Variants in DNAJB14 observed in about 807,000 individuals in gnomAD.
DNAJB14 encodes dnaJ homolog subfamily B member 14.
Under a neutral mutation model 48.4 loss-of-function variants are expected in DNAJB14, and 22 were observed. That is an observed-to-expected ratio of 0.45 (90% confidence interval 0.32 to 0.65). The LOEUF (loss-of-function observed/expected upper bound fraction) is 0.65. Ranked by LOEUF, DNAJB14 falls within the 30% of genes least tolerant of loss-of-function variation. The probability of loss-of-function intolerance (pLI) is 0.03; values close to 1 mark genes in which losing one functional copy is unlikely to be tolerated. For synonymous variants in DNAJB14, 142 were observed against 158.7 expected (o/e 0.89, Z 0.79); for missense variants, 319 against 458.8 (o/e 0.70, Z 2.78).
At chr4:99,903,412 T>C (rs534850724) in intron 7 of DNAJB14, among the ~76,000 whole-genome samples, 34 of 152,166 alleles carry the variant, frequency 2.2e-4, no homozygotes, top group African/African-American at 7.7e-4. Flanking sequence ...TGCCAGGATA[T>C]TTTTTGTTTC....
intron 2 of DNAJB14, chr4:99,928,488 C>T (rs1249028173): frequency 4.9e-6 from 2 of 405,036 alleles, no homozygotes; most frequent in Non-Finnish European, 1.0e-5. Context: ...ACACACACAA[C>T]CACCCACATA....
intron 3 of DNAJB14, among the ~76,000 whole-genome samples, chr4:99,916,242 G>T (rs1323924578): frequency 2.0e-5 from 3 of 152,148 alleles, no homozygotes; most frequent in Non-Finnish European, 4.4e-5. Flanking sequence ...AGGCTCAAGT[G>T]ATTCTCCCAC....
At chr4:99,906,657 CA>C in intron 4 of DNAJB14, 46 bp from the exon 5 acceptor site, 1 of 1,434,736 alleles carries the variant, frequency 7.0e-7, no homozygotes, top group Non-Finnish European at 9.6e-7. Flanking sequence ...CAATTATGAT[CA>C]GAAAAAATAC....
chr4:99,938,095 T>TAAAAAAAAAAAAAAAAAAAAAAAAA, intron 1 of DNAJB14, among the ~76,000 whole-genome samples: 1 of 4,072 alleles, frequency 2.5e-4, no homozygotes, highest in Non-Finnish European at 5.0e-4. Context: ...ATGTTAAAAA[T>TAAAAAAAAAAAAAAAAAAAAAAAAA]ACAAAAAAAA....
In DNAJB14 at chr4:99,905,985, C is replaced by G. The variant is rs956232332; in HGVS notation, c.733-279G>C. 40 of 1,291,106 alleles carry G rather than the reference C, an allele frequency of 3.1e-5. 1 individual carries two copies. The highest frequency in any genetic ancestry group is 1.4e-4 in the South Asian group (9 of 65,530). 80.0% of individuals were successfully genotyped at this position (1,291,106 alleles called of 1,614,324 possible). On this transcript the variant is annotated intron_variant, in intron 5 of 7. Coordinates refer to ENST00000442697, the MANE Select transcript of DNAJB14 (RefSeq NM_001031723.4). ...CTTTCTCTTTCCCGACTCCCTCCCC[C>G]CCACACACAGAGACGCTATCAATAT...
chr4:99,923,296 T>C, intron 2 of DNAJB14, 111 bp from the exon 3 acceptor site: 1 of 1,019,212 alleles, frequency 9.8e-7, no homozygotes, highest in Non-Finnish European at 1.4e-6. Flanking sequence ...GGACTCTTTC[T>C]CAAAATCTAA....
rs1725205209 is a variant in DNAJB14 at position 99,898,784 on chromosome 4, T to C, written c.*2244A>G. On this transcript the variant is annotated 3_prime_UTR_variant, in exon 8 of 8. Coordinates refer to ENST00000442697, the MANE Select transcript of DNAJB14 (RefSeq NM_001031723.4). ...AGATGGCAAAATGTTGGGATTTTTA[T>C]TATAAAAAAAGCAGCAAACATGAAA... 1 of 151,914 alleles carries C rather than the reference T, an allele frequency of 6.6e-6. No individual in the cohort carries two copies. The highest frequency in any genetic ancestry group is 1.5e-5 in the Non-Finnish European group (1 of 67,804). 9.4% of individuals were successfully genotyped at this position (151,914 alleles called of 1,614,324 possible).
intron 3 of DNAJB14, among the ~76,000 whole-genome samples, chr4:99,922,081 G>A (rs1193369199): frequency 2.0e-5 from 3 of 152,138 alleles, no homozygotes; most frequent in Non-Finnish European, 2.9e-5. Context: ...GACAGCTCTC[G>A]CTGTCACAGT....
chr4:99,938,089 T>TA (rs1560748570), intron 1 of DNAJB14, among the ~76,000 whole-genome samples: 1 of 23,892 alleles, frequency 4.2e-5, no homozygotes, highest in Non-Finnish European at 8.2e-5. Context: ...GAAACCATGT[T>TA]AAAAATACAA....
Position 99,914,976 on chromosome 4 carries a change from T to C in DNAJB14, c.452-6080A>G, listed in dbSNP as rs555370028. ...GAGAACCAGCTCTGTTTCATTGATATTCACTATTGTTACTCTTTTCAATTG... is the reference window on the plus strand; with the variant it reads ...GAGAACCAGCTCTGTTTCATTGATACTCACTATTGTTACTCTTTTCAATTG... On this transcript the variant is annotated intron_variant, in intron 3 of 7. Coordinates refer to ENST00000442697, the MANE Select transcript of DNAJB14 (RefSeq NM_001031723.4). 1.5e-4 allele frequency among the ~76,000 whole-genome samples: 23 copies of C among 152,338 alleles called. No homozygotes were observed. The South Asian group carries it at 4.8e-3, about 32-fold the overall frequency.
Position 99,946,428 on chromosome 4 carries a change from T to C in DNAJB14, c.133+11A>G. 1 of 1,607,638 alleles carries C rather than the reference T, an allele frequency of 6.2e-7. No homozygotes were observed. Among genetic ancestry groups the C allele is most frequent in the Non-Finnish European group, 8.5e-7 (1 of 1,177,192 alleles). The stretch of plus-strand genomic sequence containing the variant: ...GATTGGGCAGGAAGAGAAGGGACGC[T>C]GAGGTCTCACCGCGGGCCGAGGGCA... On this transcript the variant is annotated intron_variant, in intron 1 of 7. Transcript: ENST00000442697.
intron 3 of DNAJB14, among the ~76,000 whole-genome samples, chr4:99,915,313 A>G (rs1294194574): frequency 6.6e-6 from 1 of 151,920 alleles, no homozygotes; most frequent in Non-Finnish European, 1.5e-5. Flanking sequence ...ACTTTTTTGT[A>G]TTTTTAGTAG....
At chr4:99,930,360 A>T (rs1726418638) in intron 2 of DNAJB14, 90 bp downstream of exon 2, 2 of 1,313,474 alleles carry the variant, frequency 1.5e-6, no homozygotes, top group Non-Finnish European at 2.1e-6. Flanking sequence ...TATTCTTCTA[A>T]TGTTATATTT....
At chr4:99,906,410 G>A in intron 5 of DNAJB14, 107 bp downstream of exon 5, 2 of 1,149,254 alleles carry the variant, frequency 1.7e-6, no homozygotes, top group South Asian at 2.8e-5. Context: ...CCTCTAGTAA[G>A]AGAAAACTCA....
intron 1 of DNAJB14, among the ~76,000 whole-genome samples, chr4:99,933,302 T>TA (rs1329534568): frequency 7.9e-6 from 1 of 126,956 alleles, no homozygotes; most frequent in Non-Finnish European, 1.7e-5. Context: ...ACATAAACAG[T>TA]CTTTTTTTTT....
At chr4:99,943,714 T>G (rs1210622224) in intron 1 of DNAJB14, among the ~76,000 whole-genome samples, 4 of 152,180 alleles carry the variant, frequency 2.6e-5, no homozygotes, top group Non-Finnish European at 5.9e-5. Flanking sequence ...CAAGTTATTC[T>G]GTCTAGACTG....
At chr4:99,930,261 AG>A (rs1458248407) in intron 2 of DNAJB14, 188 bp downstream of exon 2, 1 of 442,538 alleles carries the variant, frequency 2.3e-6, no homozygotes, top group Non-Finnish European at 3.7e-6. Flanking sequence ...TTTAAAAAAT[AG>A]AATATTCTAT....
In DNAJB14 at chr4:99,899,993, C is replaced by G. The variant is rs1725243202; in HGVS notation, c.*1035G>C. On this transcript the variant is annotated 3_prime_UTR_variant, in exon 8 of 8. Coordinates refer to ENST00000442697, the MANE Select transcript of DNAJB14 (RefSeq NM_001031723.4). ...GTGGCCAAACAGATCATGCTCTGATCAGATAAGTATACTGTAATCTACTTA... is the reference window on the plus strand; with the variant it reads ...GTGGCCAAACAGATCATGCTCTGATGAGATAAGTATACTGTAATCTACTTA... The G allele has an allele frequency of 6.6e-6, 1 of 152,378 alleles. No homozygotes were observed. The highest frequency in any genetic ancestry group is 2.4e-5 in the African/African-American group (1 of 41,414). The allele number at this position is 152,378 out of a possible 1,614,324, so 9.4% of individuals were successfully genotyped here.
chr4:99,917,678 G>A (rs28604943), intron 3 of DNAJB14, among the ~76,000 whole-genome samples: 18,064 of 152,140 alleles, frequency 0.12, 1,185 homozygotes, highest in East Asian at 0.24. Flanking sequence ...CTCTTGACAA[G>A]TTTTCCCATT....
Sources: allele counts gnomAD v4.1 joint callset (sites outside exome capture counted in the v4.1 genomes callset), GRCh38; gene constraint gnomAD v4.1.1; transcripts MANE v1.5; gene names NCBI Gene and HGNC (gene_info 2026-07-23, HGNC 2026-07-21).